NF2: variants seen among roughly 807,000 people sequenced by gnomAD.
NF2 encodes the protein NF2, moesin-ezrin-radixin like (MERLIN) tumor suppressor, also known as merlin.
NF2 carries 8 observed loss-of-function variants against 83.7 expected under a neutral mutation model. The ratio of observed to expected loss-of-function variants is 0.10; its 90% CI spans 0.06 to 0.17. The LOEUF is 0.17. Among genes scored for constraint, NF2 ranks in the 10% least tolerant of loss-of-function variants. The pLI is 1.00. For missense variants in NF2, 533 were observed against 744.4 expected, an observed-to-expected ratio of 0.72 and a Z score of 3.31; for synonymous variants, 266 against 269.6, an observed-to-expected ratio of 0.99 and a Z score of 0.13.
At chr22:29,671,041 T>C (rs2066767644) in intron 10 of NF2, among the ~76,000 whole-genome samples, 1 of 152,094 alleles carries the variant, frequency 6.6e-6, no homozygotes, top group South Asian at 2.1e-4. Flanking sequence ...AAATCAGAGA[T>C]GTGAGAGGGG....
At chr22:29,633,933 CAG>C (rs1190129266) in intron 1 of NF2, among the ~76,000 whole-genome samples, 2 of 152,166 alleles carry the variant, frequency 1.3e-5, no homozygotes, top group African/African-American at 2.4e-5. Flanking sequence ...TGGGAGGTAA[CAG>C]AGGCTTAATT....
intron 9 of NF2, among the ~76,000 whole-genome samples, chr22:29,666,038 T>C (rs2066613481): frequency 6.6e-6 from 1 of 152,224 alleles, no homozygotes; most frequent in Admixed American, 6.5e-5. Flanking sequence ...TTTTCATTAT[T>C]TTTTTGAGAT....
At chr22:29,647,202 G>GA (rs1301270338) in intron 4 of NF2, among the ~76,000 whole-genome samples, 8 of 152,142 alleles carry the variant, frequency 5.3e-5, no homozygotes, top group African/African-American at 1.9e-4. Context: ...TATAATTTAT[G>GA]AATCTCATGT....
chr22:29,642,079 A>C, intron 3 of NF2, 123 bp from the exon 4 acceptor site: 1 of 798,070 alleles, frequency 1.3e-6, no homozygotes, highest in African/African-American at 1.7e-5. Flanking sequence ...CCTTTGTCAG[A>C]AAATTATTAA....
At chr22:29,644,825 G>A (rs2146917430) in intron 4 of NF2, among the ~76,000 whole-genome samples, 1 of 152,300 alleles carries the variant, frequency 6.6e-6, no homozygotes, top group Non-Finnish European at 1.5e-5. Context: ...GCAGGCTGAG[G>A]CAGGAGAATC....
intron 4 of NF2, among the ~76,000 whole-genome samples, chr22:29,648,781 G>A (rs1277454986): frequency 2.0e-5 from 3 of 152,068 alleles, no homozygotes; most frequent in African/African-American, 4.8e-5. Context: ...GTAGAGACAG[G>A]GTTTCCCCTT....
At position 29,655,589 on chromosome 22, in the gene NF2, GGT is replaced by G; in HGVS notation, c.517-4_517-3del. 1 of 1,609,284 alleles carries G rather than the reference GGT, an allele frequency of 6.2e-7. No homozygotes were observed. Among genetic ancestry groups the G allele is most frequent in the Non-Finnish European group, 8.5e-7 (1 of 1,175,792 alleles). ...GGTTTTTTATTTTGCTCTATTTTTT[GGT>G]AGGTAATAAATCTGTATCAGATGAC... On this transcript the variant is annotated splice_region_variant and splice_polypyrimidine_tract_variant and intron_variant, in intron 5 of 15. Coordinates refer to ENST00000338641, the MANE Select transcript of NF2 (RefSeq NM_000268.4).
At chr22:29,647,253 A>T (rs79585302) in intron 4 of NF2, among the ~76,000 whole-genome samples, 8,121 of 152,258 alleles carry the variant, frequency 0.053, 288 homozygotes, top group Non-Finnish European at 0.076. Flanking sequence ...AGAGAAAAGA[A>T]TTGTGGGAAG....
At chr22:29,628,422 A>G (rs1484602209) in intron 1 of NF2, among the ~76,000 whole-genome samples, 1 of 152,092 alleles carries the variant, frequency 6.6e-6, no homozygotes, top group Non-Finnish European at 1.5e-5. Context: ...GGGTTGTAAT[A>G]AGGTAGGGTA....
chr22:29,608,139 C>T (rs1455796603), intron 1 of NF2, among the ~76,000 whole-genome samples: 1 of 103,664 alleles, frequency 9.6e-6, no homozygotes, highest in Non-Finnish European at 1.7e-5. Context: ...AGCCACTGCA[C>T]ACCAGCCTGG....
At chr22:29,661,140 G>A (rs2147006175) in intron 7 of NF2, 65 bp from the exon 8 acceptor site, 1 of 1,610,764 alleles carries the variant, frequency 6.2e-7, no homozygotes, top group Non-Finnish European at 8.5e-7. Flanking sequence ...AGATTCTTTG[G>A]AAGGTTGAAT....
chr22:29,644,326 G>A (rs1281757805), intron 4 of NF2, among the ~76,000 whole-genome samples: 11 of 150,432 alleles, frequency 7.3e-5, no homozygotes, highest in African/African-American at 2.0e-4. Context: ...GACGATGGGC[G>A]GCCGGGCAGA....
intron 3 of NF2, among the ~76,000 whole-genome samples, chr22:29,639,877 GTC>G (rs2065756291): frequency 1.4e-5 from 1 of 72,730 alleles, no homozygotes; most frequent in Admixed American, 2.1e-4. Flanking sequence ...GTGAGGTTCC[GTC>G]TCAAAAAAAA....
chr22:29,672,394 A>G (rs905768053), intron 11 of NF2, among the ~76,000 whole-genome samples: 3 of 150,904 alleles, frequency 2.0e-5, no homozygotes, highest in African/African-American at 7.3e-5. Context: ...GCTTACTGCA[A>G]TCTTCACCTC....
chr22:29,624,901 TTCTCTCTC>T (rs141837477), intron 1 of NF2, among the ~76,000 whole-genome samples: 7 of 143,178 alleles, frequency 4.9e-5, no homozygotes, highest in East Asian at 2.0e-4. Context: ...TCTCTCTTCT[TTCTCTCTC>T]TCTCTCTCTC....
At chr22:29,631,527 A>G (rs1248792447) in intron 1 of NF2, among the ~76,000 whole-genome samples, 2 of 152,146 alleles carry the variant, frequency 1.3e-5, no homozygotes, top group East Asian at 3.9e-4. Flanking sequence ...GAGCACAATG[A>G]CCAGGACGTA....
intron 3 of NF2, among the ~76,000 whole-genome samples, chr22:29,641,945 G>A (rs576815832): frequency 3.9e-5 from 6 of 152,242 alleles, no homozygotes; most frequent in African/African-American, 1.2e-4. Context: ...TACAGAGACC[G>A]TTTTTACTCT....
In NF2 at chr22:29,624,923, T is replaced by C. The variant is rs6006208; in HGVS notation, c.115-11828T>C. 2.3e-3 allele frequency among the ~76,000 whole-genome samples: 322 copies of C among 140,092 alleles called. 5 individuals carry two copies. In the South Asian group the frequency reaches 0.026, roughly 11 times the overall value. 91.9% of individuals were successfully genotyped at this position (140,092 alleles called of 152,430 possible). A position where few individuals can be genotyped will look rare whatever the true frequency, so the allele number is the denominator to read the frequency against. On this transcript the variant is annotated intron_variant, in intron 1 of 15. Coordinates refer to ENST00000338641, the MANE Select transcript of NF2 (RefSeq NM_000268.4). ...TCTTTCTCTCTCTCTCTCTCTCTCT[T>C]TCTTTCTTTCTTTCTTTCTTTTTCT...
At position 29,633,874 on chromosome 22, in the gene NF2, A is replaced by G. The variant is rs147569067; in HGVS notation, c.115-2877A>G. On this transcript the variant is annotated intron_variant, in intron 1 of 15. Transcript: ENST00000338641. ...CCATTTTGTAGCATCAGTGTCTAAC[A>G]TTGGTTGGCATGTAGGGTGTGCTCT... is the stretch of plus-strand genomic sequence containing the variant. Among the ~76,000 whole-genome samples, 1,004 of 152,300 alleles carry G rather than the reference A, an allele frequency of 6.6e-3. 5 individuals are homozygous for G. Among genetic ancestry groups the G allele is most frequent in the Non-Finnish European group, 0.012 (828 of 68,030 alleles).
Sources: allele counts gnomAD v4.1 joint callset (sites outside exome capture counted in the v4.1 genomes callset), GRCh38; gene constraint gnomAD v4.1.1; transcripts MANE v1.5; gene names NCBI Gene and HGNC (gene_info 2026-07-23, HGNC 2026-07-21).